The following FUT2 variants were observed in gnomAD, a reference collection of about 807,000 sequenced individuals.
FUT2 encodes galactoside alpha-(1,2)-fucosyltransferase 2.
For synonymous variants in FUT2, 182 were observed against 193.1 expected (o/e 0.94, Z 0.48); for missense variants, 419 against 465.8 (o/e 0.90, Z 0.93).
chr19:48,702,588 T>C (rs939976047), intron 1 of FUT2, among the ~76,000 whole-genome samples: 37 of 152,126 alleles, frequency 2.4e-4, no homozygotes, highest in Admixed American at 7.2e-4. Context: ...GTACACGATA[T>C]ATCTCTACCC....
chr19:48,703,994 G>A lies in FUT2; in HGVS notation c.*6G>A, dbSNP rs368513794. 82 of 1,612,738 alleles carry A rather than the reference G, an allele frequency of 5.1e-5. No homozygotes were observed. The highest frequency in any genetic ancestry group is 6.7e-5 in the Non-Finnish European group (79 of 1,179,688). ...CCCCCTTACTCAAGCACTAATGCTG[G>A]CCCATTCTTTGAGACCTTTTCTCCT... is the stretch of plus-strand genomic sequence containing the variant. On this transcript the variant is annotated 3_prime_UTR_variant, in exon 2 of 2. Coordinates refer to ENST00000425340, the MANE Select transcript of FUT2 (RefSeq NM_000511.6).
chr19:48,699,481 A>C (rs550323845), intron 1 of FUT2, among the ~76,000 whole-genome samples: 1 of 152,158 alleles, frequency 6.6e-6, no homozygotes, highest in African/African-American at 2.4e-5. Flanking sequence ...TACAGGCGTG[A>C]GCCACTGTGC....
chr19:48,696,592 C>T (rs1363121434), intron 1 of FUT2: 1 of 152,258 alleles, frequency 6.6e-6, no homozygotes, highest in Non-Finnish European at 1.5e-5. Context: ...TCCCTAATCC[C>T]GCTCTGAATC....
At position 48,703,705 on chromosome 19, in the gene FUT2, G is replaced by A. The variant is rs369911091; in HGVS notation, c.749G>A (p.Arg250Gln). 5.2e-5 allele frequency: 84 copies of A among 1,613,500 alleles called. No homozygotes were observed. In the East Asian group the frequency reaches 1.1e-3, roughly 21 times the overall value. Residue 250 changes from arginine (R) to glutamine (Q), a missense_variant, in exon 2 of 2, where the codon CGG (arginine) becomes CAG (glutamine). Coordinates refer to ENST00000425340, the MANE Select transcript of FUT2 (RefSeq NM_000511.6). The stretch of plus-strand genomic sequence containing the variant: ...ACCAGTAATGGCATGGCCTGGTGTC[G>A]GGAGAACATTGACACCTCCCACGGT... ...VVTSNGMAWCRENIDTSHGDV... is the reference protein window; with the variant it reads ...VVTSNGMAWCQENIDTSHGDV...
intron 1 of FUT2, among the ~76,000 whole-genome samples, chr19:48,701,334 A>C (rs903099099): frequency 4.6e-5 from 7 of 151,776 alleles, no homozygotes; most frequent in Non-Finnish European, 7.4e-5. Context: ...GTCCGCCACC[A>C]CACCTGGCTA....
At chr19:48,701,014 G>A (rs2032507011) in intron 1 of FUT2, among the ~76,000 whole-genome samples, 1 of 152,020 alleles carries the variant, frequency 6.6e-6, no homozygotes, top group Admixed American at 6.6e-5. Flanking sequence ...GCCCTGAGGG[G>A]TTGTGTAGGT....
rs1023815002 is a variant in FUT2 at position 48,697,993 on chromosome 19, CT to C, written c.-3+1928del. ...ACAGGCATGAGCCACTGCACTGGCTCTTTTTTTTTTTTTTTTTTTTTTTTGA... is the reference window on the plus strand; with the variant it reads ...ACAGGCATGAGCCACTGCACTGGCTCTTTTTTTTTTTTTTTTTTTTTTTGA... On this transcript the variant is annotated intron_variant, in intron 1 of 1. Coordinates refer to ENST00000425340, the MANE Select transcript of FUT2 (RefSeq NM_000511.6). 9.1e-3 allele frequency among the ~76,000 whole-genome samples: 803 copies of C among 88,184 alleles called. 3 individuals are homozygous for C. The highest frequency in any genetic ancestry group is 0.024 in the Middle Eastern group (2 of 84). 57.9% of individuals were successfully genotyped at this position (88,184 alleles called of 152,430 possible). A position where few individuals can be genotyped will look rare whatever the true frequency, so the allele number is the denominator to read the frequency against.
rs2032601971 is a variant in FUT2, at chr19:48,704,567, A to C, written c.*579A>C. The C allele has an allele frequency of 9.5e-6, 4 of 421,824 alleles. No homozygotes were observed. The highest frequency in any genetic ancestry group is 1.3e-5 in the Non-Finnish European group (3 of 231,540). The allele number at this position is 421,824 out of a possible 1,614,324, so 26.1% of individuals were successfully genotyped here. A position where few individuals can be genotyped will look rare whatever the true frequency, so the allele number is the denominator to read the frequency against. On this transcript the variant is annotated 3_prime_UTR_variant, in exon 2 of 2. Coordinates refer to ENST00000425340, the MANE Select transcript of FUT2 (RefSeq NM_000511.6). ...CAAAGTCATCAGTCACCTGAGCTCC[A>C]TCCATCTTCACATGCTGTGCTACCA...
rs1800459 is a variant in FUT2 at position 48,703,418 on chromosome 19, G to A, written c.462G>A (p.Trp154Ter). 5.0e-6 allele frequency: 8 copies of A among 1,612,804 alleles called. No individual in the cohort carries two copies. In the South Asian group the frequency reaches 8.8e-5, roughly 18 times the overall value. Residue 154 changes from tryptophan to a stop codon, truncating the protein, a stop_gained, in exon 2 of 2, where the codon TGG becomes TGA. Coordinates refer to ENST00000425340, the MANE Select transcript of FUT2 (RefSeq NM_000511.6). LOFTEE classifies it low-confidence loss of function (END_TRUNC). ...GCTTCACCGGCTACCCCTGCTCCTGGACCTTCTACCACCACCTCCGCCAGG... is the reference window on the plus strand; with the variant it reads ...GCTTCACCGGCTACCCCTGCTCCTGAACCTTCTACCACCACCTCCGCCAGG... ...YVRFTGYPCS[W>*]TFYHHLRQEI...
intron 1 of FUT2, chr19:48,696,682 C>T (rs1013664128): frequency 3.3e-5 from 5 of 152,280 alleles, no homozygotes; most frequent in Non-Finnish European, 5.9e-5. Context: ...GCTCCCTTCT[C>T]CTCCCCAGGG....
At position 48,704,047 on chromosome 19, in the gene FUT2, G is replaced by A. The variant is rs972259484; in HGVS notation, c.*59G>A. 72 of 1,480,304 alleles carry A rather than the reference G, an allele frequency of 4.9e-5. No homozygotes were observed. Among genetic ancestry groups the A allele is most frequent in the African/African-American group, 1.2e-4 (9 of 72,300 alleles). The allele number at this position is 1,480,304 out of a possible 1,614,324, so 91.7% of individuals were successfully genotyped here. On this transcript the variant is annotated 3_prime_UTR_variant, in exon 2 of 2. Transcript: ENST00000425340. ...TCTGCCTCCCTCAAGATGAGTGCCC[G>A]GGCATGAGAAGCACATGGTTCCATG... is the stretch of plus-strand genomic sequence containing the variant.
chr19:48,704,281 G>T lies in FUT2; in HGVS notation c.*293G>T, dbSNP rs770912866. The T allele has an allele frequency of 9.0e-6, 4 of 445,744 alleles. No homozygotes were observed. Among genetic ancestry groups the T allele is most frequent in the Non-Finnish European group, 1.7e-5 (4 of 238,688 alleles). 27.6% of individuals were successfully genotyped at this position (445,744 alleles called of 1,614,324 possible). Reference sequence around the variant, plus strand: ...GACTAAAAATACAAAAATTAGCCAGGCGTGGTGGTGCACACCTGTAATCCC... The same window carrying T: ...GACTAAAAATACAAAAATTAGCCAGTCGTGGTGGTGCACACCTGTAATCCC... On this transcript the variant is annotated 3_prime_UTR_variant, in exon 2 of 2. Coordinates refer to ENST00000425340, the MANE Select transcript of FUT2 (RefSeq NM_000511.6).
intron 1 of FUT2, among the ~76,000 whole-genome samples, chr19:48,697,156 G>A (rs2032426297): frequency 6.6e-6 from 1 of 151,302 alleles, no homozygotes; most frequent in Non-Finnish European, 1.5e-5. Context: ...GACCAGTCTG[G>A]CCAACATGGA....
rs764196118 is a variant in FUT2, at chr19:48,705,111, C to CT, written c.*1140dup. ...CACTGTTTTCTTTTCTTTTTCTTTT[C>CT]TTTTTTTTTTTTTTTTTGAGATGGA... On this transcript the variant is annotated 3_prime_UTR_variant, in exon 2 of 2. Coordinates refer to ENST00000425340, the MANE Select transcript of FUT2 (RefSeq NM_000511.6). 3,009 of 139,066 alleles carry CT rather than the reference C, an allele frequency of 0.022. 55 individuals carry two copies. The highest frequency in any genetic ancestry group is 0.057 in the East Asian group (530 of 9,260). 8.6% of individuals were successfully genotyped at this position (139,066 alleles called of 1,614,324 possible). A position where few individuals can be genotyped will look rare whatever the true frequency, so the allele number is the denominator to read the frequency against.
At chr19:48,699,359 A>G (rs751236515) in intron 1 of FUT2, among the ~76,000 whole-genome samples, 1 of 151,874 alleles carries the variant, frequency 6.6e-6, no homozygotes, top group Non-Finnish European at 1.5e-5. Flanking sequence ...CACCATGCCC[A>G]GCTAATTTTT....
intron 1 of FUT2, 83 bp from the exon 2 acceptor site, chr19:48,702,872 T>A: frequency 7.7e-7 from 1 of 1,304,362 alleles, no homozygotes; most frequent in Non-Finnish European, 1.1e-6. Context: ...ACACTATGCC[T>A]GCACACCACC....
At position 48,703,867 on chromosome 19, in the gene FUT2, T is replaced by C. The variant is rs748973012; in HGVS notation, c.911T>C (p.Ile304Thr). 3.7e-6 allele frequency: 6 copies of C among 1,613,488 alleles called. No homozygotes were observed. Among genetic ancestry groups the C allele is most frequent in the Non-Finnish European group, 5.1e-6 (6 of 1,180,022 alleles). ...GCATACCTCACGGGCGGAGACACCATCTACCTGGCCAATTACACCCTCCCC... is the reference window on the plus strand; with the variant it reads ...GCATACCTCACGGGCGGAGACACCACCTACCTGGCCAATTACACCCTCCCC... ...WAAYLTGGDTIYLANYTLPDS... is the reference protein window; with the variant it reads ...WAAYLTGGDTTYLANYTLPDS... The change falls in exon 2 of 2, where the codon ATC becomes ACC. Residue 304 changes from isoleucine to threonine, a missense_variant. Coordinates refer to ENST00000425340, the MANE Select transcript of FUT2 (RefSeq NM_000511.6).
In FUT2 at chr19:48,698,542, A is replaced by G. The variant is rs556769438; in HGVS notation, c.-3+2453A>G. Among the ~76,000 whole-genome samples the G allele has an allele frequency of 1.5e-4, 23 of 151,956 alleles. 1 individual carries two copies. The South Asian group carries it at 4.9e-3, about 32-fold the overall frequency. ...CCACAACCTCCATCTCCCAGGTTCA[A>G]GTGGTTCTCCTGCCTCAGCCTCCTG... On this transcript the variant is annotated intron_variant, in intron 1 of 1. Coordinates refer to ENST00000425340, the MANE Select transcript of FUT2 (RefSeq NM_000511.6).
At chr19:48,696,590 C>T (rs945620157) in intron 1 of FUT2, 1 of 152,272 alleles carries the variant, frequency 6.6e-6, no homozygotes, top group African/African-American at 2.4e-5. Context: ...ACTCCCTAAT[C>T]CCGCTCTGAA....
Sources: allele counts gnomAD v4.1 joint callset (sites outside exome capture counted in the v4.1 genomes callset), GRCh38; gene constraint gnomAD v4.1.1; transcripts MANE v1.5; gene names NCBI Gene and HGNC (gene_info 2026-07-23, HGNC 2026-07-21).